Variants in PHKA1 observed in about 807,000 individuals in gnomAD.
PHKA1 encodes phosphorylase b kinase regulatory subunit alpha, skeletal muscle isoform.
In PHKA1, 60 loss-of-function variants were observed where a neutral mutation model predicts 110.2. The ratio of observed to expected loss-of-function variants is 0.54; its 90% CI spans 0.44 to 0.68. PHKA1 has a LOEUF of 0.68. Ranked by LOEUF, PHKA1 falls within the 30% of genes least tolerant of loss-of-function variation. PHKA1 has a pLI of 0.00. For synonymous variants in PHKA1, 316 were observed against 333.6 expected, an observed-to-expected ratio of 0.95 and a Z score of 0.58; for missense variants, 801 against 942.5, an observed-to-expected ratio of 0.85 and a Z score of 1.97.
At chrX:72,646,311 G>A (rs781848962) in intron 13 of PHKA1, among the ~76,000 whole-genome samples, 1 of 111,160 alleles carries the variant, frequency 9.0e-6, no homozygotes, top group African/African-American at 3.3e-5. Flanking sequence ...AATACTCTGG[G>A]GCCCCAGGAG....
At chrX:72,585,901 G>A (rs1275832953) in intron 29 of PHKA1, among the ~76,000 whole-genome samples, 2 of 112,373 alleles carry the variant, frequency 1.8e-5, no homozygotes, top group East Asian at 5.6e-4. Flanking sequence ...GCGTGAGTAG[G>A]TAAACAAAGC....
intron 16 of PHKA1, among the ~76,000 whole-genome samples, chrX:72,628,732 G>A (rs1160431682): frequency 2.8e-5 from 3 of 108,083 alleles, no homozygotes; most frequent in African/African-American, 1.0e-4. Flanking sequence ...TGGGACTACA[G>A]GCGCGTGCCA....
At chrX:72,669,495 G>A (rs1439917910) in intron 6 of PHKA1, among the ~76,000 whole-genome samples, 2 of 105,783 alleles carry the variant, frequency 1.9e-5, no homozygotes, top group Non-Finnish European at 1.9e-5. Flanking sequence ...TTGTCATTTA[G>A]CATTAGGTAT....
chrX:72,658,143 T>C (rs1421269084), intron 8 of PHKA1, among the ~76,000 whole-genome samples: 3 of 112,194 alleles, frequency 2.7e-5, no homozygotes, highest in Non-Finnish European at 5.6e-5. Flanking sequence ...TATATAACCA[T>C]AGAAATCTGC....
intron 28 of PHKA1, among the ~76,000 whole-genome samples, chrX:72,597,374 AC>A (rs1358690553): frequency 8.9e-6 from 1 of 111,984 alleles, no homozygotes; most frequent in Non-Finnish European, 1.9e-5. Context: ...CCAGCCCTCA[AC>A]AAGAACAATG....
chrX:72,644,589 A>C, intron 13 of PHKA1, 93 bp from the exon 14 acceptor site: 1 of 810,325 alleles, frequency 1.2e-6, no homozygotes, highest in Non-Finnish European at 1.8e-6. Context: ...TTTAAAGAGA[A>C]AAAAAGGAAA....
chrX:72,697,749 C>T (rs552042911), intron 3 of PHKA1, among the ~76,000 whole-genome samples: 30 of 109,917 alleles, frequency 2.7e-4, no homozygotes, highest in African/African-American at 7.9e-4. Flanking sequence ...CTTTGGGAGA[C>T]GGAGGCGGGT....
At chrX:72,672,589 T>C (rs1229511262) in intron 6 of PHKA1, among the ~76,000 whole-genome samples, 2 of 111,998 alleles carry the variant, frequency 1.8e-5, no homozygotes, top group Non-Finnish European at 3.8e-5. Flanking sequence ...GCATTCATGA[T>C]GGAAGAACCC....
intron 29 of PHKA1, among the ~76,000 whole-genome samples, chrX:72,585,137 C>A (rs1479173139): frequency 9.1e-6 from 1 of 110,252 alleles, no homozygotes; most frequent in Non-Finnish European, 1.9e-5. Context: ...GTTAATAAAC[C>A]AAAACACATA....
In PHKA1 at chrX:72,609,684, G is replaced by A. The variant is rs1365875595; in HGVS notation, c.2546C>T (p.Ser849Phe). Reference protein sequence around the residue: ...ALDEACTDLLSHQKHLTVGLP... With the variant: ...ALDEACTDLLFHQKHLTVGLP... ...TCCTACTGTCAAATGTTTCTGGTGG[G>A]AGAGAAGGTCTGTGCAGGCCTAACA... Residue 849 changes from serine (S) to phenylalanine (F), a missense_variant, in exon 23 of 32, where the codon TCC becomes TTC. By Grantham distance (155) the Ser-to-Phe change is radical. This residue lies in a region of PHKA1 where 502 missense variants were observed against 519.2 expected (regional missense o/e 0.97). Transcript: ENST00000373542. The A allele has an allele frequency of 1.7e-5, 20 of 1,199,350 alleles. No individual in the cohort carries two copies. Among genetic ancestry groups the A allele is most frequent in the Non-Finnish European group, 2.3e-5 (20 of 885,664 alleles).
At chrX:72,597,447 G>A (rs4409517) in intron 28 of PHKA1, among the ~76,000 whole-genome samples, 4,029 of 111,253 alleles carry the variant, frequency 0.036, 165 homozygotes, top group African/African-American at 0.12. Context: ...CTCATTGCAG[G>A]GTGACTCTAC....
rs1158941552 is a variant in PHKA1 at position 72,579,505 on chromosome X, CAGA to C, written c.*1494_*1496del. On this transcript the variant is annotated 3_prime_UTR_variant, in exon 32 of 32. Coordinates refer to ENST00000373542, the MANE Select transcript of PHKA1 (RefSeq NM_002637.4). ...AAGTTAACAGAGTCTCTGCACAATT[CAGA>C]AGAAGGAGAGTTAGAAGAAACATTT... 3 of 111,451 alleles carry C rather than the reference CAGA, an allele frequency of 2.7e-5. No individual in the cohort carries two copies. Among genetic ancestry groups the C allele is most frequent in the African/African-American group, 9.8e-5 (3 of 30,614 alleles). The allele number at this position is 111,451 out of a possible 1,213,427, so 9.2% of individuals were successfully genotyped here. A position where few individuals can be genotyped will look rare whatever the true frequency, so the allele number is the denominator to read the frequency against.
chrX:72,609,727 A>G lies in PHKA1; in HGVS notation c.2527-24T>C, dbSNP rs1464619134. On this transcript the variant is annotated intron_variant, in intron 22 of 31. Transcript: ENST00000373542. ...GCCTAACAAGAGATAGCATAATATTATCGTTTCTGTAACACCTCAGGTTTC... is the reference window on the plus strand; with the variant it reads ...GCCTAACAAGAGATAGCATAATATTGTCGTTTCTGTAACACCTCAGGTTTC... 5 of 1,094,029 alleles carry G rather than the reference A, an allele frequency of 4.6e-6. No homozygotes were observed. The East Asian group carries it at 9.0e-5, about 20-fold the overall frequency. 90.2% of individuals were successfully genotyped at this position (1,094,029 alleles called of 1,213,427 possible). A position where few individuals can be genotyped will look rare whatever the true frequency, so the allele number is the denominator to read the frequency against.
At chrX:72,669,354 TTTG>T (rs1216126267) in intron 6 of PHKA1, among the ~76,000 whole-genome samples, 10 of 111,269 alleles carry the variant, frequency 9.0e-5, no homozygotes, top group Non-Finnish European at 1.7e-4. Context: ...TTTCTTTTTT[TTTG>T]TTGTTGTTGT....
intron 21 of PHKA1, among the ~76,000 whole-genome samples, chrX:72,616,060 A>G (rs1556268823): frequency 8.9e-6 from 1 of 111,767 alleles, no homozygotes; most frequent in African/African-American, 3.3e-5. Flanking sequence ...ACGTAACTCT[A>G]CTTGGATAAA....
intron 2 of PHKA1, among the ~76,000 whole-genome samples, chrX:72,710,042 CAAA>C (rs374071163): frequency 1.6e-4 from 3 of 19,256 alleles, no homozygotes; most frequent in Non-Finnish European, 2.9e-4. Context: ...ACTTAGTCTT[CAAA>C]AAAAAAAAAA....
Sources: gnomAD v4.1 joint callset for allele counts (sites outside exome capture counted in the v4.1 genomes callset) on GRCh38, gnomAD v4.1.1 for gene constraint, gnomAD v4.1.1 regional missense constraint, MANE v1.5 for transcripts, NCBI Gene and HGNC (gene_info 2026-07-23, HGNC 2026-07-21) for gene names.